PHAX: variants seen among roughly 807,000 people sequenced by gnomAD.
PHAX encodes the protein phosphorylated adapter RNA export protein.
PHAX carries 31 observed loss-of-function variants against 41.6 expected under a neutral mutation model. The observed-to-expected ratio is 0.75, with a 90% confidence interval of 0.56 to 1.01. PHAX has a LOEUF of 1.01. Among genes scored for constraint, PHAX ranks in the 50% least tolerant of loss-of-function variants. The pLI, the probability that PHAX is intolerant of heterozygous loss-of-function variation, is 0.00. For synonymous variants in PHAX, 175 were observed against 164.9 expected (o/e 1.06, Z -0.47); for missense variants, 453 against 472.9 (o/e 0.96, Z 0.39).
intron 1 of PHAX, 134 bp downstream of exon 1, chr5:126,601,192 G>A: frequency 1.6e-6 from 1 of 631,376 alleles, no homozygotes; most frequent in African/African-American, 2.0e-5. Flanking sequence ...AGGCTGTCGG[G>A]TCAGTGGCCG....
chr5:126,609,734 C>T (rs1028990925), intron 3 of PHAX, among the ~76,000 whole-genome samples: 2 of 151,362 alleles, frequency 1.3e-5, no homozygotes, highest in East Asian at 1.9e-4. Context: ...ACAAAACACC[C>T]TTTTTTTTGT....
At position 126,615,450 on chromosome 5, in the gene PHAX, C is replaced by G. The variant is rs532109020; in HGVS notation, c.832-1800C>G. ...ACATTGCTTTGTTTCAGCTTCCATACTATAAACAGGTGTTCTTTTCAAGGT... is the reference window on the plus strand; with the variant it reads ...ACATTGCTTTGTTTCAGCTTCCATAGTATAAACAGGTGTTCTTTTCAAGGT... On this transcript the variant is annotated intron_variant, in intron 3 of 4. Transcript: ENST00000297540. 2.0e-5 allele frequency among the ~76,000 whole-genome samples: 3 copies of G among 150,924 alleles called. No individual in the cohort carries two copies. The East Asian group carries it at 5.8e-4, about 29-fold the overall frequency.
At chr5:126,612,778 A>G (rs1031884521) in intron 3 of PHAX, among the ~76,000 whole-genome samples, 2 of 152,212 alleles carry the variant, frequency 1.3e-5, no homozygotes, top group African/African-American at 4.8e-5. Context: ...GATTAGATGC[A>G]GGAAAAGCCT....
intron 3 of PHAX, among the ~76,000 whole-genome samples, chr5:126,616,511 C>A (rs1752185751): frequency 6.6e-6 from 1 of 152,092 alleles, no homozygotes; most frequent in African/African-American, 2.4e-5. Flanking sequence ...TATTTTGCTT[C>A]ACTGATCATT....
At chr5:126,606,717 T>G (rs2112830238) in intron 2 of PHAX, among the ~76,000 whole-genome samples, 1 of 152,100 alleles carries the variant, frequency 6.6e-6, no homozygotes, top group Admixed American at 6.6e-5. Context: ...AGTGGCATGA[T>G]CTCAGCTCAC....
intron 4 of PHAX, among the ~76,000 whole-genome samples, chr5:126,617,722 G>A (rs1341849279): frequency 1.1e-4 from 17 of 151,984 alleles, no homozygotes; most frequent in African/African-American, 4.1e-4. Flanking sequence ...CAAGCAGTCC[G>A]CCCGTCTCGG....
chr5:126,619,025 C>G (rs779237385), intron 4 of PHAX, among the ~76,000 whole-genome samples: 1 of 152,154 alleles, frequency 6.6e-6, no homozygotes, highest in East Asian at 1.9e-4. Context: ...CTTGACCTCC[C>G]TGGTCTTAGA....
At chr5:126,604,274 C>CTTATTT in intron 2 of PHAX, 91 bp downstream of exon 2, 1 of 643,342 alleles carries the variant, frequency 1.6e-6, no homozygotes, top group East Asian at 4.3e-5. Flanking sequence ...TGATATGTTC[C>CTTATTT]TTTTTTTTTT....
chr5:126,605,528 T>G (rs1297157402), intron 2 of PHAX, among the ~76,000 whole-genome samples: 1 of 151,836 alleles, frequency 6.6e-6, no homozygotes. Flanking sequence ...TAGCTGGGAC[T>G]ATAGGCATTC....
At chr5:126,608,052 G>A (rs61663744) in intron 2 of PHAX, among the ~76,000 whole-genome samples, 4,308 of 152,208 alleles carry the variant, frequency 0.028, 202 homozygotes, top group African/African-American at 0.096. Context: ...TTTGACAATA[G>A]TGGACTGCCT....
intron 2 of PHAX, among the ~76,000 whole-genome samples, chr5:126,605,197 T>C (rs965036052): frequency 6.6e-6 from 1 of 151,488 alleles, no homozygotes; most frequent in Non-Finnish European, 1.5e-5. Flanking sequence ...ATGGTCTTGC[T>C]CTGGTCACTC....
intron 3 of PHAX, among the ~76,000 whole-genome samples, chr5:126,615,059 C>T (rs1181165659): frequency 6.6e-6 from 1 of 151,966 alleles, no homozygotes; most frequent in Non-Finnish European, 1.5e-5. Context: ...CCCTAACACA[C>T]TTGTTTTTAC....
chr5:126,608,542 A>T (rs73783410), intron 3 of PHAX, 58 bp downstream of exon 3: 4 of 188,866 alleles, frequency 2.1e-5, no homozygotes, highest in Middle Eastern at 1.4e-3. Context: ...TTTGTTTTTG[A>T]TTACAAATTT....
intron 2 of PHAX, 91 bp downstream of exon 2, chr5:126,604,274 CTTTT>C (rs57270218): frequency 6.8e-3 from 4,368 of 639,540 alleles, no homozygotes; most frequent in Middle Eastern, 0.011. Flanking sequence ...TGATATGTTC[CTTTT>C]TTTTTTTTTT....
At chr5:126,601,382 T>G (rs902371512) in intron 1 of PHAX, among the ~76,000 whole-genome samples, 1 of 152,176 alleles carries the variant, frequency 6.6e-6, no homozygotes, top group Non-Finnish European at 1.5e-5. Context: ...TGCGGCGGCC[T>G]CTTAGACGTC....
intron 3 of PHAX, among the ~76,000 whole-genome samples, chr5:126,611,930 C>G (rs1163444221): frequency 6.6e-6 from 1 of 151,516 alleles, no homozygotes; most frequent in Non-Finnish European, 1.5e-5. Context: ...GCAATTTGAA[C>G]AAAGACTTGA....
chr5:126,620,403 A>G (rs1441700712), intron 4 of PHAX, among the ~76,000 whole-genome samples: 1 of 152,238 alleles, frequency 6.6e-6, no homozygotes, highest in Non-Finnish European at 1.5e-5. Flanking sequence ...GAAAAGAAAT[A>G]CTGTAACATT....
chr5:126,601,747 A>G (rs1039392475), intron 1 of PHAX, among the ~76,000 whole-genome samples: 5 of 151,752 alleles, frequency 3.3e-5, no homozygotes, highest in African/African-American at 1.2e-4. Flanking sequence ...GCTCACTGCA[A>G]CCTCCGCCTC....
rs1300739361 is a variant in PHAX at position 126,603,963 on chromosome 5, T to C, written c.490T>C (p.Ser164Pro). 1 of 1,613,872 alleles carries C rather than the reference T, an allele frequency of 6.2e-7. No homozygotes were observed. The highest frequency in any genetic ancestry group is 2.2e-5 in the East Asian group (1 of 44,878). ...YLLAKKLRKE[S>P]QEHTKDLDKE... ...GCTTGCCAAGAAACTTAGGAAGGAA[T>C]CTCAAGAGCATACAAAAGATCTAGA... Residue 164 changes from serine (S) to proline (P), a missense_variant, in exon 2 of 5, where the codon TCT becomes CCT. Transcript: ENST00000297540.
Sources: allele counts gnomAD v4.1 joint callset (sites outside exome capture counted in the v4.1 genomes callset), GRCh38; gene constraint gnomAD v4.1.1; transcripts MANE v1.5; gene names NCBI Gene and HGNC (gene_info 2026-07-23, HGNC 2026-07-21).